Variants in GPC6 observed in about 807,000 individuals in gnomAD.
GPC6 encodes glypican-6.
In GPC6, 14 loss-of-function variants were observed where a neutral mutation model predicts 55.2. The observed-to-expected ratio is 0.25, with a 90% CI of 0.17 to 0.40. GPC6 has a LOEUF of 0.40. Among genes scored for constraint, GPC6 ranks in the 10% least tolerant of loss-of-function variants. GPC6 has a pLI of 1.00. For missense variants in GPC6, 641 were observed against 708.5 expected, an observed-to-expected ratio of 0.90 and a Z score of 1.08; for synonymous variants, 278 against 259.6, an observed-to-expected ratio of 1.07 and a Z score of -0.68.
intron 3 of GPC6, among the ~76,000 whole-genome samples, chr13:94,014,632 C>T (rs147765866): frequency 3.9e-5 from 6 of 152,200 alleles, no homozygotes; most frequent in African/African-American, 1.4e-4. Context: ...ACATTTTTGT[C>T]ACACAAAAAG....
At chr13:94,164,924 G>A (rs924198706) in intron 4 of GPC6, among the ~76,000 whole-genome samples, 1 of 151,904 alleles carries the variant, frequency 6.6e-6, no homozygotes, top group Non-Finnish European at 1.5e-5. Context: ...TAACACCATT[G>A]CCATTCTGTT....
intron 4 of GPC6, among the ~76,000 whole-genome samples, chr13:94,145,977 T>C (rs930725593): frequency 6.6e-5 from 10 of 152,202 alleles, no homozygotes; most frequent in African/African-American, 2.4e-4. Flanking sequence ...GCTAAGATTT[T>C]ATTTAGAACT....
intron 4 of GPC6, among the ~76,000 whole-genome samples, chr13:94,107,612 T>C (rs1886102305): frequency 6.7e-6 from 1 of 150,342 alleles, no homozygotes; most frequent in African/African-American, 2.4e-5. Context: ...AAGATGGGAC[T>C]CATGAGTTCT....
At chr13:93,990,952 G>A (rs1211384819) in intron 3 of GPC6, among the ~76,000 whole-genome samples, 1 of 149,022 alleles carries the variant, frequency 6.7e-6, no homozygotes, top group Non-Finnish European at 1.5e-5. Context: ...AAGGAAGGAA[G>A]GAAGGAAAGA....
chr13:93,961,700 T>C (rs1368690689), intron 3 of GPC6, among the ~76,000 whole-genome samples: 1 of 152,196 alleles, frequency 6.6e-6, no homozygotes, highest in African/African-American at 2.4e-5. Context: ...ATAGAGGAAA[T>C]GATGAACTTC....
intron 2 of GPC6, among the ~76,000 whole-genome samples, chr13:93,681,504 A>G (rs1173483267): frequency 6.6e-6 from 1 of 152,212 alleles, no homozygotes. Flanking sequence ...GTAATAATAT[A>G]CAGAAATCAA....
chr13:93,694,659 G>A (rs554407149), intron 2 of GPC6, among the ~76,000 whole-genome samples: 3 of 152,216 alleles, frequency 2.0e-5, no homozygotes, highest in South Asian at 2.1e-4. Flanking sequence ...TGCAGGCTTC[G>A]GAAGAATAAA....
chr13:94,172,187 C>A (rs1254677377), intron 4 of GPC6, among the ~76,000 whole-genome samples: 3 of 151,880 alleles, frequency 2.0e-5, no homozygotes, highest in Admixed American at 2.0e-4. Context: ...ACCTGAGGAA[C>A]CTACCCACCA....
chr13:93,895,177 T>C (rs1311770003), intron 3 of GPC6, among the ~76,000 whole-genome samples: 1 of 148,206 alleles, frequency 6.7e-6, no homozygotes, highest in Non-Finnish European at 1.5e-5. Context: ...TCTATATATA[T>C]TTTTTCACCT....
chr13:94,386,983 C>G (rs1435660270), intron 7 of GPC6, among the ~76,000 whole-genome samples: 2 of 152,192 alleles, frequency 1.3e-5, no homozygotes, highest in Admixed American at 6.5e-5. Flanking sequence ...ATGACTCTTA[C>G]AGTAGATATG....
chr13:93,904,343 T>C (rs1005994014), intron 3 of GPC6, among the ~76,000 whole-genome samples: 2 of 152,124 alleles, frequency 1.3e-5, no homozygotes, highest in Non-Finnish European at 2.9e-5. Context: ...GAGAACCTAT[T>C]GTAGGAAGAC....
intron 2 of GPC6, among the ~76,000 whole-genome samples, chr13:93,549,451 A>T (rs963873072): frequency 8.5e-5 from 13 of 152,196 alleles, no homozygotes; most frequent in African/African-American, 3.1e-4. Context: ...ATAAGAGGCA[A>T]CATCTGACCC....
intron 1 of GPC6, among the ~76,000 whole-genome samples, chr13:93,353,679 G>T (rs1408173408): frequency 6.6e-6 from 1 of 152,208 alleles, no homozygotes; most frequent in African/African-American, 2.4e-5. Context: ...TAATTTTTCA[G>T]CACGTGAGGC....
chr13:93,902,555 C>G (rs551081755), intron 3 of GPC6, among the ~76,000 whole-genome samples: 13 of 152,078 alleles, frequency 8.5e-5, no homozygotes, highest in Non-Finnish European at 1.8e-4. Flanking sequence ...ATTGCCCTTC[C>G]TTTAGATCTA....
intron 1 of GPC6, among the ~76,000 whole-genome samples, chr13:93,230,636 G>C (rs1594041019): frequency 6.6e-6 from 1 of 151,912 alleles, no homozygotes; most frequent in African/African-American, 2.4e-5. Flanking sequence ...ATTTTTTCTT[G>C]TTCTATCCTC....
At chr13:93,870,618 G>A (rs979274451) in intron 3 of GPC6, among the ~76,000 whole-genome samples, 6 of 151,722 alleles carry the variant, frequency 4.0e-5, no homozygotes, top group Admixed American at 6.6e-5. Flanking sequence ...TGGAGAGAGG[G>A]CCTTCAAAGA....
chr13:93,540,967 G>A (rs754390827), intron 1 of GPC6, among the ~76,000 whole-genome samples: 70 of 151,824 alleles, frequency 4.6e-4, no homozygotes, highest in Non-Finnish European at 7.9e-4. Flanking sequence ...TCGCTATTTC[G>A]CTTAACATAA....
chr13:93,541,377 T>A, intron 1 of GPC6, among the ~76,000 whole-genome samples: 1 of 124,122 alleles, frequency 8.1e-6, no homozygotes, highest in African/African-American at 3.0e-5. Context: ...TATGGCTGCA[T>A]AGTATTCCAT....
At chr13:94,254,857 T>C (rs148236660) in intron 4 of GPC6, among the ~76,000 whole-genome samples, 99 of 152,246 alleles carry the variant, frequency 6.5e-4, no homozygotes, top group African/African-American at 2.3e-3. Context: ...CCTTCTGTAG[T>C]CTCCTCATCT....
Sources: gnomAD v4.1 joint callset for allele counts (sites outside exome capture counted in the v4.1 genomes callset) on GRCh38, gnomAD v4.1.1 for gene constraint, MANE v1.5 for transcripts, NCBI Gene and HGNC (gene_info 2026-07-23, HGNC 2026-07-21) for gene names.